ZPBP: variants seen among roughly 807,000 people sequenced by gnomAD.
ZPBP encodes the protein zona pellucida binding protein, also known as zona pellucida-binding protein 1.
ZPBP carries 26 observed loss-of-function variants against 44.8 expected under a neutral mutation model. The observed-to-expected ratio is 0.58, with a 90% CI of 0.43 to 0.81. The LOEUF (loss-of-function observed/expected upper bound fraction) is 0.81. Ranked by LOEUF, ZPBP falls within the 30% of genes least tolerant of loss-of-function variation. The pLI, the probability that ZPBP is intolerant of heterozygous loss-of-function variation, is 0.00. For synonymous variants in ZPBP, 174 were observed against 153.2 expected (o/e 1.14, Z -1.00); for missense variants, 409 against 434.0 (o/e 0.94, Z 0.51).
At chr7:50,080,570 A>T (rs1307298270) in intron 3 of ZPBP, among the ~76,000 whole-genome samples, 1 of 151,770 alleles carries the variant, frequency 6.6e-6, no homozygotes, top group East Asian at 1.9e-4. Context: ...AAAAATGACA[A>T]TAAAAAATTC....
chr7:49,879,202 T>A (rs1791571227), intron 2 of ZPBP, among the ~76,000 whole-genome samples: 1 of 152,226 alleles, frequency 6.6e-6, no homozygotes, highest in African/African-American at 2.4e-5. Flanking sequence ...GTTCTCTGCC[T>A]AAATTCCTAA....
intron 1 of ZPBP, 148 bp from the exon 2 acceptor site, chr7:50,089,857 C>T: frequency 3.0e-6 from 2 of 662,594 alleles, no homozygotes; most frequent in African/African-American, 1.8e-5. Flanking sequence ...ACTCTATTCC[C>T]CCTCAGATGA....
chr7:49,931,990 G>A (rs1451538819), intron 1 of ZPBP, among the ~76,000 whole-genome samples: 1 of 152,230 alleles, frequency 6.6e-6, no homozygotes, highest in Non-Finnish European at 1.5e-5. Flanking sequence ...TTTACATGTG[G>A]TATTGGGCCT....
At chr7:49,858,602 T>G (rs1206664186) in intron 2 of ZPBP, among the ~76,000 whole-genome samples, 1 of 151,018 alleles carries the variant, frequency 6.6e-6, no homozygotes. Flanking sequence ...ATACCTAATG[T>G]TAAATGACGA....
At chr7:49,941,823 AC>A (rs1160262615) in intron 7 of ZPBP, among the ~76,000 whole-genome samples, 1 of 152,076 alleles carries the variant, frequency 6.6e-6, no homozygotes, top group Admixed American at 6.6e-5. Context: ...AAAAAGAAAA[AC>A]AAAGTTGAAA....
At chr7:49,896,957 G>A (rs1278119430) in intron 2 of ZPBP, among the ~76,000 whole-genome samples, 8 of 140,494 alleles carry the variant, frequency 5.7e-5, no homozygotes, top group Admixed American at 7.6e-5. Context: ...CTGCAGTGGC[G>A]CAATCTCGGC....
intron 2 of ZPBP, among the ~76,000 whole-genome samples, chr7:49,884,056 A>G (rs1392784672): frequency 6.6e-6 from 1 of 152,218 alleles, no homozygotes. Flanking sequence ...ACCTTGGGGC[A>G]TCACACACTT....
intron 4 of ZPBP, among the ~76,000 whole-genome samples, chr7:50,047,625 T>C (rs1237303470): frequency 1.4e-5 from 2 of 143,024 alleles, no homozygotes; most frequent in African/African-American, 5.3e-5. Flanking sequence ...GGACTGAGTA[T>C]AGCACTCTGC....
intron 1 of ZPBP, among the ~76,000 whole-genome samples, chr7:49,922,173 A>C (rs1562777786): frequency 6.6e-6 from 1 of 152,206 alleles, no homozygotes; most frequent in Admixed American, 6.5e-5. Flanking sequence ...TGTACCCTGA[A>C]GTAGCATCTA....
chr7:49,986,173 C>T (rs999802082), intron 6 of ZPBP, among the ~76,000 whole-genome samples: 7 of 152,138 alleles, frequency 4.6e-5, no homozygotes, highest in Admixed American at 3.9e-4. Context: ...GCATCTTTTC[C>T]CCTCTTGTAT....
intron 5 of ZPBP, among the ~76,000 whole-genome samples, chr7:50,030,818 C>T (rs1171927606): frequency 6.6e-6 from 1 of 152,094 alleles, no homozygotes; most frequent in African/African-American, 2.4e-5. Flanking sequence ...ATCATTATAT[C>T]TAAATATCAT....
At chr7:50,079,247 T>G (rs1164556522) in intron 3 of ZPBP, among the ~76,000 whole-genome samples, 1 of 151,624 alleles carries the variant, frequency 6.6e-6, no homozygotes, top group Non-Finnish European at 1.5e-5. Flanking sequence ...ACTTCAGACA[T>G]AATGACTTTA....
chr7:50,077,810 A>G (rs1369702848), intron 3 of ZPBP, among the ~76,000 whole-genome samples: 4 of 151,928 alleles, frequency 2.6e-5, no homozygotes, highest in African/African-American at 9.7e-5. Flanking sequence ...AAACTAGTAC[A>G]ACCATTATGG....
At chr7:50,005,524 C>T (rs1049123666) in intron 6 of ZPBP, among the ~76,000 whole-genome samples, 1 of 151,910 alleles carries the variant, frequency 6.6e-6, no homozygotes, top group African/African-American at 2.4e-5. Context: ...ATAGATTTTG[C>T]ACATGACTGA....
chr7:50,028,284 TAAA>T (rs35997351), intron 5 of ZPBP, among the ~76,000 whole-genome samples: 1 of 150,908 alleles, frequency 6.6e-6, no homozygotes, highest in African/African-American at 2.4e-5. Flanking sequence ...GGGTGAAAAT[TAAA>T]AAAAAAACAC....
intron 1 of ZPBP, 145 bp downstream of exon 1, chr7:50,092,923 A>T (rs1803064615): frequency 4.7e-6 from 6 of 1,272,210 alleles, no homozygotes; most frequent in Admixed American, 3.3e-5. Flanking sequence ...CGACTTCCAT[A>T]AAAAATAAGC....
chr7:49,874,740 G>T (rs941453074), intron 2 of ZPBP, among the ~76,000 whole-genome samples: 1 of 152,084 alleles, frequency 6.6e-6, no homozygotes, highest in African/African-American at 2.4e-5. Context: ...CCTTGAGTTG[G>T]GGCACCTTTG....
chr7:49,866,719 C>G (rs1379740175), intron 2 of ZPBP, among the ~76,000 whole-genome samples: 5 of 152,338 alleles, frequency 3.3e-5, no homozygotes, highest in Admixed American at 2.6e-4. Context: ...AACATACAAG[C>G]ATCTGCTTCA....
intron 1 of ZPBP, among the ~76,000 whole-genome samples, chr7:49,908,039 C>A (rs1473871330): frequency 6.6e-6 from 1 of 152,164 alleles, no homozygotes; most frequent in Non-Finnish European, 1.5e-5. Flanking sequence ...GACAGCCTTG[C>A]AGGGCCATTT....
Sources: allele counts gnomAD v4.1 joint callset (sites outside exome capture counted in the v4.1 genomes callset), GRCh38; gene constraint gnomAD v4.1.1; transcripts MANE v1.5; gene names NCBI Gene and HGNC (gene_info 2026-07-23, HGNC 2026-07-21).